RAD51AP2: variants seen among roughly 807,000 people sequenced by gnomAD.
The protein encoded by RAD51AP2 is RAD51 associated protein 2, also known as RAD51-associated protein 2.
Under a neutral mutation model 85.5 loss-of-function variants are expected in RAD51AP2, and 67 were observed. That is an observed-to-expected ratio of 0.78 (90% confidence interval 0.64 to 0.96). The LOEUF (loss-of-function observed/expected upper bound fraction) is 0.96. Among genes scored for constraint, RAD51AP2 ranks in the 40% least tolerant of loss-of-function variants. The pLI, the probability that RAD51AP2 is intolerant of heterozygous loss-of-function variation, is 0.00. For synonymous variants in RAD51AP2, 474 were observed against 446.5 expected (o/e 1.06, Z -0.78); for missense variants, 1,307 against 1,332.4 (o/e 0.98, Z 0.30).
chr2:17,510,905 T>C lies in RAD51AP2; in HGVS notation c.3379A>G (p.Ser1127Gly), dbSNP rs917722176. ...GACAAACCAATCCTGATTGGCCTAC[T>C]GCATGTCTTAAGCGGTCGTACTCTT... is the stretch of plus-strand genomic sequence containing the variant. ...ISRVRPLKTC[S>G]RPIRIGLSRK... is the part of the protein sequence containing the mutation. The change falls in exon 3 of 3, where the codon AGT (serine) becomes GGT (glycine). Residue 1127 changes from serine to glycine, a missense_variant. Coordinates refer to ENST00000399080, the MANE Select transcript of RAD51AP2 (RefSeq NM_001099218.3). 1.9e-6 allele frequency: 3 copies of C among 1,609,228 alleles called. No individual in the cohort carries two copies. The highest frequency in any genetic ancestry group is 2.5e-6 in the Non-Finnish European group (3 of 1,177,406).
chr2:17,533,836 G>A, the RAD51AP2 span, among the ~76,000 whole-genome samples: 1 of 152,146 alleles, frequency 6.6e-6, no homozygotes, highest in African/African-American at 2.4e-5. Flanking sequence ...GATCACTTGA[G>A]GCCAGAAGTT....
the RAD51AP2 span, among the ~76,000 whole-genome samples, chr2:17,530,924 A>T: frequency 8.1e-4 from 123 of 152,356 alleles, 1 homozygote; most frequent in Middle Eastern, 3.4e-3. Flanking sequence ...TCAAGTTTCA[A>T]CTACTTATTT....
At chr2:17,519,791 C>G (rs1662817239), upstream of RAD51AP2, among the ~76,000 whole-genome samples, 1 of 152,136 alleles carries the variant, frequency 6.6e-6, no homozygotes, top group African/African-American at 2.4e-5. Context: ...ATCTTATGTT[C>G]TATTGCTTTT....
Position 17,516,514 on chromosome 2 carries a change from A to T in RAD51AP2, c.1902T>A (p.Thr634=), listed in dbSNP as rs878948722. 5 of 1,544,804 alleles carry T rather than the reference A, an allele frequency of 3.2e-6. No homozygotes were observed. The South Asian group carries it at 6.0e-5, about 18-fold the overall frequency. The change falls in exon 1 of 3, where the codon ACT becomes ACA. Residue 634 remains threonine (T), a synonymous_variant. Coordinates refer to ENST00000399080, the MANE Select transcript of RAD51AP2 (RefSeq NM_001099218.3). ...TATTATCTTCTAATAGTCTTGAAGA[A>T]GTTAAAATCTTTACTAGATATGCAG... ...NHTAYLVKIL[T]SSRLLEDNMK...
the RAD51AP2 span, among the ~76,000 whole-genome samples, chr2:17,534,550 T>C: frequency 2.0e-5 from 3 of 152,216 alleles, 1 homozygote; most frequent in Non-Finnish European, 2.9e-5. Context: ...CTTTCTCTTC[T>C]TCTTCTTTTT....
At chr2:17,510,987 A>C (rs767295211) in intron 2 of RAD51AP2, 32 bp from the exon 3 acceptor site, 2 of 1,492,712 alleles carry the variant, frequency 1.3e-6, no homozygotes, top group Non-Finnish European at 1.8e-6. Context: ...AGTAAAAATT[A>C]TCAATAGTTT....
At position 17,517,298 on chromosome 2, in the gene RAD51AP2, G is replaced by T; in HGVS notation, c.1118C>A (p.Ala373Glu). 6.2e-7 allele frequency: 1 copy of T among 1,613,860 alleles called. No homozygotes were observed. Among genetic ancestry groups the T allele is most frequent in the Non-Finnish European group, 8.5e-7 (1 of 1,179,868 alleles). ...CAGACATTCTGCTTCCTCCCAATTT[G>T]CATTTTCTAGTATAGCGAAATTCTT... ...SRKNFAILENANWEEAECLDS... is the reference protein window; with the variant it reads ...SRKNFAILENENWEEAECLDS... The change falls in exon 1 of 3, where the codon GCA becomes GAA. Residue 373 changes from alanine to glutamate, a missense_variant. Coordinates refer to ENST00000399080, the MANE Select transcript of RAD51AP2 (RefSeq NM_001099218.3).
In RAD51AP2 at chr2:17,514,218, A is replaced by G. The variant is rs183735471; in HGVS notation, c.3248-126T>C. 8.3e-4 allele frequency: 607 copies of G among 734,344 alleles called. 1 individual carries two copies. The highest frequency in any genetic ancestry group is 1.2e-3 in the Non-Finnish European group (500 of 427,870). 45.5% of individuals were successfully genotyped at this position (734,344 alleles called of 1,614,324 possible). Reference sequence around the variant, plus strand: ...CTCCTAATATTTAGAAAAATGAAGTAGGACTCTTCAAAGCTCCTTTTTAAA... The same window carrying G: ...CTCCTAATATTTAGAAAAATGAAGTGGGACTCTTCAAAGCTCCTTTTTAAA... On this transcript the variant is annotated intron_variant, in intron 1 of 2. Coordinates refer to ENST00000399080, the MANE Select transcript of RAD51AP2 (RefSeq NM_001099218.3).
chr2:17,514,500 G>A (rs559092663), intron 1 of RAD51AP2, among the ~76,000 whole-genome samples: 5 of 150,234 alleles, frequency 3.3e-5, no homozygotes, highest in South Asian at 2.1e-4. Context: ...GGTGGCTCAC[G>A]CTTGTAATCC....
upstream of RAD51AP2, among the ~76,000 whole-genome samples, chr2:17,523,422 C>CT (rs1024348494): frequency 5.3e-5 from 8 of 151,470 alleles, no homozygotes; most frequent in Non-Finnish European, 8.9e-5. Flanking sequence ...CAGATCAGAG[C>CT]TTTTTTTTCT....
intron 1 of RAD51AP2, among the ~76,000 whole-genome samples, chr2:17,514,590 G>A (rs564668283): frequency 6.6e-6 from 1 of 152,224 alleles, no homozygotes; most frequent in South Asian, 2.1e-4. Flanking sequence ...CCAACACAGT[G>A]AAGCCCCCAT....
chr2:17,523,995 G>A, the RAD51AP2 span, among the ~76,000 whole-genome samples: 1 of 151,910 alleles, frequency 6.6e-6, no homozygotes, highest in Non-Finnish European at 1.5e-5. Flanking sequence ...ATCTGTGCCT[G>A]ATGCTGAATG....
At chr2:17,513,038 T>G (rs1439752617) in intron 2 of RAD51AP2, among the ~76,000 whole-genome samples, 1 of 152,144 alleles carries the variant, frequency 6.6e-6, no homozygotes, top group African/African-American at 2.4e-5. Flanking sequence ...TCTTTTTAGA[T>G]CTAACCTTGT....
At chr2:17,520,276 G>T (rs421302), upstream of RAD51AP2, among the ~76,000 whole-genome samples, 1 of 152,134 alleles carries the variant, frequency 6.6e-6, no homozygotes, top group South Asian at 2.1e-4. Context: ...TCAAACAATG[G>T]CTATTGAAAC....
chr2:17,511,680 C>A (rs1662499126), intron 2 of RAD51AP2, among the ~76,000 whole-genome samples: 2 of 151,900 alleles, frequency 1.3e-5, no homozygotes, highest in African/African-American at 4.8e-5. Context: ...AATATAATAG[C>A]CTGTTATACT....
chr2:17,520,423 C>T (rs1420380318), upstream of RAD51AP2, among the ~76,000 whole-genome samples: 1 of 152,068 alleles, frequency 6.6e-6, no homozygotes, highest in East Asian at 1.9e-4. Flanking sequence ...CTGAATCTTA[C>T]TGATGCCTCA....
Position 17,517,122 on chromosome 2 carries a change from A to T in RAD51AP2, c.1294T>A (p.Trp432Arg). 1 of 1,611,432 alleles carries T rather than the reference A, an allele frequency of 6.2e-7. No homozygotes were observed. Among genetic ancestry groups the T allele is most frequent in the East Asian group, 2.2e-5 (1 of 44,830 alleles). Residue 432 changes from tryptophan to arginine, a missense_variant, in exon 1 of 3, where the codon TGG becomes AGG. By Grantham distance (101) the Trp-to-Arg change is moderately radical. Coordinates refer to ENST00000399080, the MANE Select transcript of RAD51AP2 (RefSeq NM_001099218.3). ...AGGTCTATTTCTAATAATAATAGCC[A>T]ATTCCATTTTTCTTCAGTTTTTTTC... ...NMKKTEEKWN[W>R]LLLLEIDLLS...
Position 17,514,680 on chromosome 2 carries a change from G to A in RAD51AP2, c.3247+489C>T, listed in dbSNP as rs573323355. On this transcript the variant is annotated intron_variant, in intron 1 of 2. Transcript: ENST00000399080. Reference sequence around the variant, plus strand: ...AGCTACTCTGGAGGCTAAGGCAGGAGAATCACTTGAACCCAGGAGGCAGAG... The same window carrying A: ...AGCTACTCTGGAGGCTAAGGCAGGAAAATCACTTGAACCCAGGAGGCAGAG... Among the ~76,000 whole-genome samples the A allele has an allele frequency of 7.9e-5, 12 of 152,226 alleles. No individual in the cohort carries two copies. The East Asian group carries it at 2.3e-3, about 29-fold the overall frequency.
In RAD51AP2 at chr2:17,515,858, T is replaced by C; in HGVS notation, c.2558A>G (p.Asp853Gly). The part of the protein sequence containing the change: ...SLTNSCQVHK[D>G]TKIEKEEKDS... The stretch of plus-strand genomic sequence containing the variant: ...TTTCTCTTCCTTTTCTATCTTAGTA[T>C]CTTTGTGAACTTGGCAACTATTTGT... Residue 853 changes from aspartate (D) to glycine (G), a missense_variant, in exon 1 of 3, where the codon GAT (aspartate) becomes GGT (glycine). Asp to Gly is a moderately conservative substitution (Grantham distance 94). Transcript: ENST00000399080. 1 of 1,610,374 alleles carries C rather than the reference T, an allele frequency of 6.2e-7. No homozygotes were observed.
Sources: gnomAD v4.1 joint callset for allele counts (sites outside exome capture counted in the v4.1 genomes callset) on GRCh38, gnomAD v4.1.1 for gene constraint, MANE v1.5 for transcripts, NCBI Gene and HGNC (gene_info 2026-07-23, HGNC 2026-07-21) for gene names.